The following ARAP2 variants were observed in gnomAD, a reference collection of about 807,000 sequenced individuals.
ARAP2 encodes arf-GAP with Rho-GAP domain, ANK repeat and PH domain-containing protein 2.
Under a neutral mutation model 194.5 loss-of-function variants are expected in ARAP2, and 148 were observed. The observed-to-expected ratio is 0.76, with a 90% CI of 0.67 to 0.87. The LOEUF (loss-of-function observed/expected upper bound fraction) is 0.87, where lower values mean the gene tolerates loss of function less well. ARAP2 is among the 40% of genes least tolerant of loss of function. The probability of loss-of-function intolerance (pLI) is 0.00; values close to 1 mark genes in which losing one functional copy is unlikely to be tolerated. For missense variants in ARAP2, 2,128 were observed against 1,989.7 expected (o/e 1.07, Z -1.32); for synonymous variants, 695 against 683.5 (o/e 1.02, Z -0.26).
At chr4:36,080,370 T>C (rs568762795) in intron 30 of ARAP2, 91 bp from the exon 31 acceptor site, 4 of 1,013,368 alleles carry the variant, frequency 3.9e-6, no homozygotes, top group Non-Finnish European at 6.1e-6. Flanking sequence ...ATCAAAAATC[T>C]CTGGGTCTCT....
At chr4:36,110,522 G>T (rs1035791232) in intron 26 of ARAP2, among the ~76,000 whole-genome samples, 8 of 151,844 alleles carry the variant, frequency 5.3e-5, no homozygotes, top group African/African-American at 1.2e-4. Context: ...AGGTAAAGGG[G>T]TCTACATTGG....
At chr4:36,238,453 C>T (rs895671558) in intron 1 of ARAP2, among the ~76,000 whole-genome samples, 1 of 152,144 alleles carries the variant, frequency 6.6e-6, no homozygotes, top group Non-Finnish European at 1.5e-5. Context: ...GACTCCACAA[C>T]CTGTGCTATA....
intron 16 of ARAP2, among the ~76,000 whole-genome samples, chr4:36,149,994 C>T (rs1730576909): frequency 6.6e-6 from 1 of 152,050 alleles, no homozygotes; most frequent in Non-Finnish European, 1.5e-5. Context: ...CATGATAAGA[C>T]ACTTTCACAC....
intron 8 of ARAP2, among the ~76,000 whole-genome samples, chr4:36,186,042 A>G (rs1740486781): frequency 6.6e-6 from 1 of 152,146 alleles, no homozygotes. Flanking sequence ...GAAAATGAAG[A>G]CTTAGCAAAG....
intron 9 of ARAP2, among the ~76,000 whole-genome samples, chr4:36,009,285 C>T (rs1713937996): frequency 6.6e-6 from 1 of 152,068 alleles, no homozygotes; most frequent in African/African-American, 2.4e-5. Flanking sequence ...ATAGAATCTA[C>T]CCAGGTGTCC....
chr4:36,032,575 CATTT>C (rs1446338190), intron 5 of ARAP2, among the ~76,000 whole-genome samples: 1 of 152,002 alleles, frequency 6.6e-6, no homozygotes, highest in Non-Finnish European at 1.5e-5. Flanking sequence ...TATAATGAAG[CATTT>C]ATTATTAACT....
chr4:36,205,708 C>T (rs1439431530), intron 6 of ARAP2, among the ~76,000 whole-genome samples: 2 of 152,210 alleles, frequency 1.3e-5, no homozygotes, highest in Admixed American at 1.3e-4. Flanking sequence ...TGACCTCACA[C>T]ATTTATGTGA....
chr4:36,188,617 C>T (rs111733406), intron 7 of ARAP2, among the ~76,000 whole-genome samples: 42 of 152,212 alleles, frequency 2.8e-4, no homozygotes, highest in African/African-American at 9.4e-4. Context: ...AGGCTGATAA[C>T]GCATACCAAG....
chr4:36,061,290 A>G (rs570857269), downstream of ARAP2, among the ~76,000 whole-genome samples: 3 of 152,262 alleles, frequency 2.0e-5, 1 homozygote, highest in East Asian at 5.8e-4. Context: ...ATCAAATGCT[A>G]GGTCTTATTG....
At chr4:36,042,832 T>C (rs1177219399) in intron 5 of ARAP2, among the ~76,000 whole-genome samples, 1 of 118,632 alleles carries the variant, frequency 8.4e-6, no homozygotes. Flanking sequence ...AATAAACAAA[T>C]GCGTTTTTTT....
chr4:36,128,393 G>A (rs1288122862), intron 21 of ARAP2, 140 bp downstream of exon 21: 2 of 622,718 alleles, frequency 3.2e-6, no homozygotes, highest in Non-Finnish European at 5.5e-6. Flanking sequence ...TATGTACATT[G>A]TTTCTTTCAA....
At chr4:36,085,081 AGTTT>A (rs1730501657) in intron 28 of ARAP2, among the ~76,000 whole-genome samples, 1 of 152,068 alleles carries the variant, frequency 6.6e-6, no homozygotes, top group Non-Finnish European at 1.5e-5. Flanking sequence ...TGCGGTGAAC[AGTTT>A]ATCCATGTCT....
intron 9 of ARAP2, among the ~76,000 whole-genome samples, chr4:36,176,698 T>C (rs1472156022): frequency 6.6e-6 from 1 of 152,154 alleles, no homozygotes; most frequent in Non-Finnish European, 1.5e-5. Context: ...TTGAGGAATA[T>C]GCTAACTACC....
intron 17 of ARAP2, among the ~76,000 whole-genome samples, chr4:36,148,075 T>C (rs1488750141): frequency 6.6e-6 from 1 of 152,178 alleles, no homozygotes; most frequent in Non-Finnish European, 1.5e-5. Flanking sequence ...GAATCTGCTC[T>C]TTTCTCCTTT....
intron 1 of ARAP2, among the ~76,000 whole-genome samples, chr4:36,231,202 G>A (rs1387834387): frequency 6.6e-6 from 1 of 152,134 alleles, no homozygotes; most frequent in African/African-American, 2.4e-5. Context: ...TGGGTGTGAG[G>A]GTGCGTGCCT....
intron 10 of ARAP2, among the ~76,000 whole-genome samples, chr4:36,165,653 T>C (rs1215074258): frequency 6.6e-6 from 1 of 152,168 alleles, no homozygotes; most frequent in Non-Finnish European, 1.5e-5. Flanking sequence ...TGGTTACTAT[T>C]CTAACAGTTT....
chr4:36,231,670 G>A (rs1751490875), intron 1 of ARAP2, among the ~76,000 whole-genome samples: 1 of 151,994 alleles, frequency 6.6e-6, no homozygotes, highest in African/African-American at 2.4e-5. Flanking sequence ...ACCTTAATAG[G>A]AGAAAAACAA....
chr4:36,080,266 C>T lies in ARAP2; in HGVS notation c.4558G>A (p.Asp1520Asn), dbSNP rs771897119. 1 of 1,612,892 alleles carries T rather than the reference C, an allele frequency of 6.2e-7. No individual in the cohort carries two copies. The highest frequency in any genetic ancestry group is 1.1e-5 in the South Asian group (1 of 91,036). Residue 1520 changes from aspartate to asparagine, a missense_variant, in exon 31 of 33, where the codon GAT (aspartate) becomes AAT (asparagine). Transcript: ENST00000303965. Reference sequence around the variant, plus strand: ...CACTCCGTCTGAGTTCGTGAACTATCACAACACAGGTGCCTGCAAAACGAG... The same window carrying T: ...CACTCCGTCTGAGTTCGTGAACTATTACAACACAGGTGCCTGCAAAACGAG... ...SEKHHWHLCC[D>N]SSRTQTEWMT... is the part of the protein sequence containing the mutation.
intron 5 of ARAP2, among the ~76,000 whole-genome samples, chr4:36,036,248 C>T (rs1447849176): frequency 3.3e-5 from 5 of 152,034 alleles, no homozygotes; most frequent in African/African-American, 1.2e-4. Context: ...CCAAATGGTT[C>T]TATAGATTAT....
Sources: gnomAD v4.1 joint callset for allele counts (sites outside exome capture counted in the v4.1 genomes callset) on GRCh38, gnomAD v4.1.1 for gene constraint, MANE v1.5 for transcripts, NCBI Gene and HGNC (gene_info 2026-07-23, HGNC 2026-07-21) for gene names.